The following IFT122 variants were observed in gnomAD, a reference collection of about 807,000 sequenced individuals.
IFT122 encodes the protein intraflagellar transport 122.
IFT122 carries 118 observed loss-of-function variants against 161.6 expected under a neutral mutation model. The observed-to-expected ratio is 0.73, with a 90% CI of 0.63 to 0.85. The LOEUF (loss-of-function observed/expected upper bound fraction) is 0.85, where lower values mean the gene tolerates loss of function less well. Ranked by LOEUF, IFT122 falls within the 40% of genes least tolerant of loss-of-function variation. The pLI, the probability that IFT122 is intolerant of heterozygous loss-of-function variation, is 0.00. For synonymous variants in IFT122, 550 were observed against 602.4 expected (o/e 0.91, Z 1.27); for missense variants, 1,381 against 1,579.6 (o/e 0.87, Z 2.13).
intron 18 of IFT122, among the ~76,000 whole-genome samples, chr3:129,497,989 T>C (rs552610913): frequency 6.6e-6 from 1 of 152,392 alleles, no homozygotes; most frequent in Non-Finnish European, 1.5e-5. Flanking sequence ...TTATGTAGTA[T>C]GTTCTTATCA....
chr3:129,459,053 A>T (rs916124518), intron 4 of IFT122, among the ~76,000 whole-genome samples: 3 of 152,044 alleles, frequency 2.0e-5, no homozygotes, highest in Non-Finnish European at 4.4e-5. Flanking sequence ...TCCTCTTACT[A>T]TTGGGGATCT....
intron 26 of IFT122, among the ~76,000 whole-genome samples, chr3:129,515,892 C>T (rs2083434707): frequency 6.6e-6 from 1 of 152,158 alleles, no homozygotes; most frequent in Admixed American, 6.5e-5. Context: ...TGCATTCAGA[C>T]CAGGAGGCTG....
chr3:129,519,831 C>A, intron 29 of IFT122, 99 bp downstream of exon 29: 1 of 1,376,950 alleles, frequency 7.3e-7, no homozygotes, highest in Non-Finnish European at 1.0e-6. Flanking sequence ...AGGAGGGGCA[C>A]ATCCATGGCT....
chr3:129,484,376 T>G (rs1409531054), intron 15 of IFT122, among the ~76,000 whole-genome samples: 1 of 152,186 alleles, frequency 6.6e-6, no homozygotes, highest in Non-Finnish European at 1.5e-5. Context: ...CATCCCATCC[T>G]CAGGACAGAA....
chr3:129,456,050 ACT>A (rs2075439497), intron 3 of IFT122: 1 of 455,432 alleles, frequency 2.2e-6, no homozygotes. Flanking sequence ...ATGTACATAC[ACT>A]CATTTAATCT....
At chr3:129,445,711 ATC>A (rs1469241494) in intron 1 of IFT122, among the ~76,000 whole-genome samples, 3 of 152,226 alleles carry the variant, frequency 2.0e-5, no homozygotes, top group African/African-American at 7.2e-5. Flanking sequence ...GTTGTGTGAC[ATC>A]AGGCAAACTA....
In IFT122 at chr3:129,452,274, G is replaced by C. The variant is rs116231256; in HGVS notation, c.193+276G>C. 710 of 431,070 alleles carry C rather than the reference G, an allele frequency of 1.6e-3. 3 individuals are homozygous for C. The highest frequency in any genetic ancestry group is 0.013 in the African/African-American group (620 of 49,586). 26.7% of individuals were successfully genotyped at this position (431,070 alleles called of 1,614,324 possible). A position where few individuals can be genotyped will look rare whatever the true frequency, so the allele number is the denominator to read the frequency against. On this transcript the variant is annotated intron_variant, in intron 3 of 29. Transcript: ENST00000348417. ...GGCTTCTGTTTTATGGGGTGGTGGTGAGAAGTGAGGGAGGAAGAAAGTATG... is the reference window on the plus strand; with the variant it reads ...GGCTTCTGTTTTATGGGGTGGTGGTCAGAAGTGAGGGAGGAAGAAAGTATG...
chr3:129,516,793 GCA>G (rs1308356261), intron 26 of IFT122, among the ~76,000 whole-genome samples: 4 of 69,936 alleles, frequency 5.7e-5, no homozygotes, highest in Non-Finnish European at 1.0e-4. Flanking sequence ...GACCGCTCCT[GCA>G]CACACACAGA....
At chr3:129,487,031 C>A (rs1412246439) in intron 15 of IFT122, among the ~76,000 whole-genome samples, 1 of 152,194 alleles carries the variant, frequency 6.6e-6, no homozygotes, top group Non-Finnish European at 1.5e-5. Context: ...AAAATTCCTT[C>A]AATTCTAAAG....
intron 3 of IFT122, among the ~76,000 whole-genome samples, chr3:129,455,643 G>A (rs189914933): frequency 6.6e-6 from 1 of 152,026 alleles, no homozygotes; most frequent in African/African-American, 2.4e-5. Context: ...GCCACTGCCT[G>A]TGCAATAAAA....
chr3:129,495,606 A>G lies in IFT122; in HGVS notation c.2207A>G (p.Lys736Arg), dbSNP rs1365982517. ...YTDLCMFEYA[K>R]DFLGSGDPKE... The stretch of plus-strand genomic sequence containing the variant: ...GACCTCTGCATGTTTGAGTATGCCA[A>G]GGTAACCTACCCTGTCCCAGGCCCA... The change falls in exon 18 of 30, where the codon AAG (lysine) becomes AGG (arginine). Residue 736 changes from lysine (K) to arginine (R), a missense_variant and splice_region_variant. Lys to Arg is a conservative substitution (Grantham distance 26, BLOSUM62 2). This residue lies in a region of IFT122 where 496 missense variants were observed against 502.5 expected (regional missense o/e 0.99). Coordinates refer to ENST00000348417, the MANE Select transcript of IFT122 (RefSeq NM_052989.3). 1.2e-6 allele frequency: 2 copies of G among 1,614,044 alleles called. No individual in the cohort carries two copies. The highest frequency in any genetic ancestry group is 8.5e-7 in the Non-Finnish European group (1 of 1,180,014).
chr3:129,463,315 T>G (rs2076376147), intron 5 of IFT122: 1 of 470,536 alleles, frequency 2.1e-6, no homozygotes. Context: ...CTACTCACCT[T>G]ACCTCCAGTT....
At chr3:129,511,865 G>T (rs907026577) in intron 23 of IFT122, among the ~76,000 whole-genome samples, 1 of 152,236 alleles carries the variant, frequency 6.6e-6, no homozygotes, top group African/African-American at 2.4e-5. Flanking sequence ...AGGCTTATAT[G>T]AATCAGTGGT....
At chr3:129,491,274 C>T (rs2080052967) in intron 16 of IFT122, among the ~76,000 whole-genome samples, 1 of 152,204 alleles carries the variant, frequency 6.6e-6, no homozygotes. Context: ...TCTGCGTGTT[C>T]AGTTCAAAGG....
At chr3:129,488,009 G>A (rs1392900912) in intron 15 of IFT122, 2 of 579,770 alleles carry the variant, frequency 3.4e-6, no homozygotes, top group East Asian at 2.9e-5. Context: ...GCCTGTAGGT[G>A]GGAAGGAGGG....
chr3:129,497,266 CA>C (rs995473808), intron 18 of IFT122, among the ~76,000 whole-genome samples: 8 of 150,972 alleles, frequency 5.3e-5, no homozygotes, highest in Non-Finnish European at 8.9e-5. Flanking sequence ...AGACCCATGT[CA>C]AAAAAAAATA....
intron 5 of IFT122, among the ~76,000 whole-genome samples, chr3:129,462,512 G>A (rs1323573841): frequency 1.3e-5 from 2 of 152,206 alleles, no homozygotes; most frequent in Admixed American, 6.5e-5. Context: ...CCAGGTGATT[G>A]CATACAGAGC....
chr3:129,504,558 T>C, intron 21 of IFT122, 137 bp downstream of exon 21: 1 of 762,116 alleles, frequency 1.3e-6, no homozygotes, highest in South Asian at 1.4e-5. Context: ...TGTGATTGTT[T>C]GGTGGTGAAA....
At chr3:129,453,113 G>T (rs2107944952) in intron 3 of IFT122, among the ~76,000 whole-genome samples, 1 of 152,300 alleles carries the variant, frequency 6.6e-6, no homozygotes, top group East Asian at 1.9e-4. Flanking sequence ...AAAAGTTGAT[G>T]ATGTCGGAGA....
Sources: gnomAD v4.1 joint callset for allele counts (sites outside exome capture counted in the v4.1 genomes callset) on GRCh38, gnomAD v4.1.1 for gene constraint, gnomAD v4.1.1 regional missense constraint, MANE v1.5 for transcripts, NCBI Gene and HGNC (gene_info 2026-07-23, HGNC 2026-07-21) for gene names.